ROBO2: variants seen among roughly 807,000 people sequenced by gnomAD.
ROBO2 encodes the protein roundabout guidance receptor 2.
In ROBO2, 53 loss-of-function variants were observed where a neutral mutation model predicts 160.8. The observed-to-expected ratio is 0.33, with a 90% CI of 0.26 to 0.41. The LOEUF (loss-of-function observed/expected upper bound fraction) is 0.41, where lower values mean the gene tolerates loss of function less well. Among genes scored for constraint, ROBO2 ranks in the 10% least tolerant of loss-of-function variants. The probability of loss-of-function intolerance (pLI) is 1.00; values close to 1 mark genes in which losing one functional copy is unlikely to be tolerated. For missense variants in ROBO2, 1,577 were observed against 1,722.4 expected (o/e 0.92, Z 1.49); for synonymous variants, 664 against 611.7 (o/e 1.09, Z -1.26).
chr3:76,495,569 T>A (rs78558176), intron 2 of ROBO2, among the ~76,000 whole-genome samples: 2,045 of 150,274 alleles, frequency 0.014, 60 homozygotes, highest in African/African-American at 0.047. Flanking sequence ...TTCTGGATCA[T>A]TTAGGCTATA....
intron 2 of ROBO2, among the ~76,000 whole-genome samples, chr3:76,527,902 G>A (rs1300551688): frequency 6.6e-6 from 1 of 152,040 alleles, no homozygotes; most frequent in Non-Finnish European, 1.5e-5. Context: ...CAAAAGGAAT[G>A]GCAAGTCTTC....
chr3:77,060,075 A>G lies in ROBO2; in HGVS notation c.61+19229A>G, dbSNP rs536878872. ...AAAAATAAAGACCAATGACTAGAGC[A>G]AACTATAAATTCAGTCTCTGAGTCC... On this transcript the variant is annotated intron_variant, in intron 1 of 25. Coordinates refer to ENST00000461745, the Ensembl canonical transcript of ROBO2. Among the ~76,000 whole-genome samples the G allele has an allele frequency of 2.6e-5, 4 of 152,076 alleles. No individual in the cohort carries two copies. In the South Asian group the frequency reaches 6.3e-4, roughly 24 times the overall value.
intron 2 of ROBO2, among the ~76,000 whole-genome samples, chr3:77,318,604 A>T (rs1175368560): frequency 6.6e-6 from 1 of 152,248 alleles, no homozygotes; most frequent in East Asian, 1.9e-4. Context: ...AGTTGGTTCA[A>T]ACTAGGACTC....
chr3:76,598,330 G>T (rs1343177036), intron 2 of ROBO2, among the ~76,000 whole-genome samples: 1 of 151,966 alleles, frequency 6.6e-6, no homozygotes, highest in East Asian at 1.9e-4. Context: ...TTTTGTTGTT[G>T]TTTTTAATAA....
At chr3:77,042,083 A>G (rs2064156652) in intron 1 of ROBO2, among the ~76,000 whole-genome samples, 1 of 152,208 alleles carries the variant, frequency 6.6e-6, no homozygotes, top group Non-Finnish European at 1.5e-5. Context: ...GAGGCAATAC[A>G]GAGGAGTTTA....
At chr3:76,637,572 A>T (rs1324795949) in intron 2 of ROBO2, among the ~76,000 whole-genome samples, 1 of 152,096 alleles carries the variant, frequency 6.6e-6, no homozygotes, top group Non-Finnish European at 1.5e-5. Flanking sequence ...TCACTATTTC[A>T]GTATAGTTTT....
chr3:77,632,793 C>A, intron 23 of ROBO2: 2 of 656,508 alleles, frequency 3.0e-6, no homozygotes, highest in Non-Finnish European at 4.7e-6. Context: ...AGTTTGGATG[C>A]TCCATTACCC....
chr3:77,530,467 C>T (rs1214670721), intron 6 of ROBO2, among the ~76,000 whole-genome samples: 1 of 151,960 alleles, frequency 6.6e-6, no homozygotes, highest in East Asian at 1.9e-4. Flanking sequence ...TTTGCAACTC[C>T]TTGCAGTCAC....
intron 2 of ROBO2, among the ~76,000 whole-genome samples, chr3:76,541,319 TG>T (rs1356280278): frequency 6.6e-6 from 1 of 151,956 alleles, no homozygotes; most frequent in Non-Finnish European, 1.5e-5. Context: ...TTGTCAAACA[TG>T]TGTGGAAATT....
chr3:76,025,218 T>C (rs1298203841), intron 2 of ROBO2, among the ~76,000 whole-genome samples: 1 of 151,648 alleles, frequency 6.6e-6, no homozygotes, highest in Non-Finnish European at 1.5e-5. Flanking sequence ...GTTATTGTTT[T>C]TTTATAATCA....
chr3:76,948,935 G>C (rs1198320540), intron 2 of ROBO2, among the ~76,000 whole-genome samples: 1 of 105,208 alleles, frequency 9.5e-6, no homozygotes, highest in African/African-American at 4.4e-5. Flanking sequence ...TTTTTTAGTA[G>C]AGATGGGGTT....
At chr3:76,655,748 AGAAG>A (rs758912727) in intron 2 of ROBO2, among the ~76,000 whole-genome samples, 27 of 148,356 alleles carry the variant, frequency 1.8e-4, no homozygotes, top group East Asian at 1.2e-3. Context: ...GAGGGAGGAA[AGAAG>A]GAAGGAAGGA....
chr3:76,110,325 G>A (rs1370547221), intron 2 of ROBO2, among the ~76,000 whole-genome samples: 1 of 151,942 alleles, frequency 6.6e-6, no homozygotes, highest in Non-Finnish European at 1.5e-5. Flanking sequence ...GAAAATGGAG[G>A]CATATAAAGT....
At chr3:76,090,227 G>A (rs188252328) in intron 2 of ROBO2, among the ~76,000 whole-genome samples, 83 of 152,166 alleles carry the variant, frequency 5.5e-4, no homozygotes, top group Admixed American at 2.6e-3. Flanking sequence ...TTGGGAAATT[G>A]AGGCGGGCAG....
At chr3:76,307,093 G>C (rs577953542) in intron 2 of ROBO2, among the ~76,000 whole-genome samples, 4 of 152,086 alleles carry the variant, frequency 2.6e-5, no homozygotes, top group Non-Finnish European at 4.4e-5. Context: ...CTCATCTATA[G>C]GTTCCACACC....
At chr3:76,280,039 A>G (rs1457156692) in intron 2 of ROBO2, among the ~76,000 whole-genome samples, 1 of 152,012 alleles carries the variant, frequency 6.6e-6, no homozygotes, top group Non-Finnish European at 1.5e-5. Context: ...CAGTTTTAAG[A>G]ACACTTCCTA....
At chr3:77,438,717 G>T (rs2079591089) in intron 2 of ROBO2, among the ~76,000 whole-genome samples, 2 of 151,878 alleles carry the variant, frequency 1.3e-5, no homozygotes, top group East Asian at 3.9e-4. Flanking sequence ...AGCATTCTTG[G>T]CTCACCAGCT....
intron 2 of ROBO2, among the ~76,000 whole-genome samples, chr3:76,143,676 C>T (rs1017471929): frequency 1.3e-5 from 2 of 152,014 alleles, no homozygotes; most frequent in Admixed American, 6.6e-5. Context: ...CTGTATCAGT[C>T]AAGACTCTTC....
At chr3:77,199,268 G>A (rs553932852) in intron 2 of ROBO2, among the ~76,000 whole-genome samples, 2 of 152,264 alleles carry the variant, frequency 1.3e-5, no homozygotes, top group East Asian at 3.9e-4. Flanking sequence ...ATACCTTGGA[G>A]TTTTTATCTA....
Sources: allele counts gnomAD v4.1 joint callset (sites outside exome capture counted in the v4.1 genomes callset), GRCh38; gene constraint gnomAD v4.1.1; transcripts MANE v1.5; gene names NCBI Gene and HGNC (gene_info 2026-07-23, HGNC 2026-07-21).